The following RNLS variants were observed in gnomAD, a reference collection of about 807,000 sequenced individuals.
RNLS encodes renalase, FAD dependent amine oxidase.
A neutral mutation model predicts 39.8 loss-of-function variants in RNLS; 39 were observed. The observed-to-expected ratio is 0.98, with a 90% confidence interval of 0.76 to 1.28. The LOEUF is 1.28. RNLS is among the 50% of genes most tolerant of loss of function. RNLS has a pLI of 0.00. For missense variants in RNLS, 410 were observed against 413.3 expected (o/e 0.99, Z 0.07); for synonymous variants, 147 against 150.7 (o/e 0.98, Z 0.18).
At chr10:88,366,629 G>A (rs1203084966) in intron 4 of RNLS, among the ~76,000 whole-genome samples, 1 of 118,034 alleles carries the variant, frequency 8.5e-6, no homozygotes, top group East Asian at 2.8e-4. Flanking sequence ...TGCAAGGTCT[G>A]ACCTGAGAGA....
intron 2 of RNLS, 152 bp from the exon 3 acceptor site, chr10:88,581,861 A>C (rs111853499): frequency 1.8e-6 from 1 of 568,528 alleles, no homozygotes; most frequent in South Asian, 4.2e-5. Flanking sequence ...AAAATGTATA[A>C]TTTGTGTTAA....
intron 4 of RNLS, among the ~76,000 whole-genome samples, chr10:88,421,258 T>C (rs1213372062): frequency 6.6e-6 from 1 of 151,148 alleles, no homozygotes; most frequent in African/African-American, 2.4e-5. Flanking sequence ...CCATAGCCTA[T>C]GATTCTGTGT....
chr10:88,343,607 C>T, intron 5 of RNLS: 1 of 985,180 alleles, frequency 1.0e-6, no homozygotes, highest in Non-Finnish European at 1.2e-6. Context: ...TAATTTTCCT[C>T]TATTTTCCTT....
chr10:88,177,506 G>A, the RNLS span, among the ~76,000 whole-genome samples: 3 of 152,122 alleles, frequency 2.0e-5, no homozygotes, highest in African/African-American at 7.2e-5. Context: ...GGGTTGAACT[G>A]TCTATTTGTT....
intron 4 of RNLS, among the ~76,000 whole-genome samples, chr10:88,456,269 C>T (rs930389905): frequency 2.0e-5 from 3 of 151,836 alleles, no homozygotes; most frequent in African/African-American, 7.3e-5. Flanking sequence ...CCTGAGTATA[C>T]TTTCAGTTTA....
At chr10:88,391,498 C>T (rs751011493) in intron 4 of RNLS, among the ~76,000 whole-genome samples, 3 of 152,156 alleles carry the variant, frequency 2.0e-5, no homozygotes, top group East Asian at 3.8e-4. Flanking sequence ...GTGGAGGTTG[C>T]AGTAAGCCAA....
At chr10:88,319,809 C>T (rs1846041883) in intron 5 of RNLS, among the ~76,000 whole-genome samples, 1 of 152,094 alleles carries the variant, frequency 6.6e-6, no homozygotes, top group African/African-American at 2.4e-5. Flanking sequence ...AAACATACAA[C>T]TGGTTGGTAT....
At chr10:88,235,461 C>T in the RNLS span, among the ~76,000 whole-genome samples, 1 of 152,114 alleles carries the variant, frequency 6.6e-6, no homozygotes, top group Non-Finnish European at 1.5e-5. Context: ...AAACACCAAG[C>T]TCATGTGCCA....
intron 4 of RNLS, among the ~76,000 whole-genome samples, chr10:88,514,883 T>A (rs1422864408): frequency 1.3e-5 from 2 of 152,208 alleles, no homozygotes; most frequent in South Asian, 2.1e-4. Context: ...CAGGGTGTTT[T>A]GGGATATATA....
chr10:88,180,823 A>C, the RNLS span, among the ~76,000 whole-genome samples: 1 of 152,202 alleles, frequency 6.6e-6, no homozygotes, highest in Non-Finnish European at 1.5e-5. Context: ...AATGGGATGA[A>C]ACCATCCATA....
At chr10:88,413,387 T>G (rs181823002) in intron 4 of RNLS, among the ~76,000 whole-genome samples, 2 of 152,340 alleles carry the variant, frequency 1.3e-5, no homozygotes, top group East Asian at 3.9e-4. Flanking sequence ...TAAGTGCCTT[T>G]GTGCTAACAA....
intron 6 of RNLS, among the ~76,000 whole-genome samples, chr10:88,308,966 G>A (rs1845143697): frequency 6.6e-6 from 1 of 152,194 alleles, no homozygotes; most frequent in African/African-American, 2.4e-5. Flanking sequence ...CATGTCCTTT[G>A]CAGGAAAACA....
At chr10:88,377,733 G>A (rs1462818008) in intron 4 of RNLS, among the ~76,000 whole-genome samples, 1 of 152,114 alleles carries the variant, frequency 6.6e-6, no homozygotes, top group Admixed American at 6.6e-5. Flanking sequence ...GAATGTGAAG[G>A]CCTAGGACAT....
At chr10:88,571,516 C>G (rs977261312) in intron 4 of RNLS, among the ~76,000 whole-genome samples, 1 of 152,140 alleles carries the variant, frequency 6.6e-6, no homozygotes, top group Non-Finnish European at 1.5e-5. Flanking sequence ...AGACCACATG[C>G]TCTCTAAGAC....
chr10:88,274,864 T>C (rs1842754066), exon 7 of RNLS: 2 of 864,792 alleles, frequency 2.3e-6, no homozygotes, highest in African/African-American at 3.4e-5. Flanking sequence ...ATCTTCTGTT[T>C]TGCTTCTAAA....
At chr10:88,421,820 C>T (rs924032057) in intron 4 of RNLS, among the ~76,000 whole-genome samples, 2 of 152,174 alleles carry the variant, frequency 1.3e-5, no homozygotes, top group Non-Finnish European at 1.5e-5. Flanking sequence ...TTTCCTCTGA[C>T]CTTTGCTGCT....
intron 4 of RNLS, among the ~76,000 whole-genome samples, chr10:88,540,903 G>A (rs1300352661): frequency 6.6e-6 from 1 of 151,156 alleles, no homozygotes; most frequent in Non-Finnish European, 1.5e-5. Context: ...ATCAAAAACT[G>A]AGTTGTGGAA....
At chr10:88,348,915 C>T (rs1287434908) in intron 5 of RNLS, among the ~76,000 whole-genome samples, 2 of 151,966 alleles carry the variant, frequency 1.3e-5, no homozygotes, top group Admixed American at 6.6e-5. Flanking sequence ...TGTATAGATC[C>T]GAGCATCTTT....
intron 3 of RNLS, among the ~76,000 whole-genome samples, chr10:88,574,534 A>T (rs1285558377): frequency 1.3e-5 from 2 of 152,206 alleles, no homozygotes; most frequent in African/African-American, 2.4e-5. Context: ...CTATGTAATA[A>T]TACTCAAGGC....
Sources: allele counts gnomAD v4.1 joint callset (sites outside exome capture counted in the v4.1 genomes callset), GRCh38; gene constraint gnomAD v4.1.1; transcripts MANE v1.5; gene names NCBI Gene and HGNC (gene_info 2026-07-23, HGNC 2026-07-21).